BTRC: variants seen among roughly 807,000 people sequenced by gnomAD.
The protein encoded by BTRC is beta-transducin repeat containing E3 ubiquitin protein ligase.
A neutral mutation model predicts 85.5 loss-of-function variants in BTRC; 42 were observed. The observed-to-expected ratio is 0.49, with a 90% confidence interval of 0.38 to 0.64. The LOEUF (loss-of-function observed/expected upper bound fraction) is 0.64. Among genes scored for constraint, BTRC ranks in the 30% least tolerant of loss-of-function variants. The probability of loss-of-function intolerance (pLI) is 0.00; values close to 1 mark genes in which losing one functional copy is unlikely to be tolerated. For synonymous variants in BTRC, 255 were observed against 263.3 expected (o/e 0.97, Z 0.30); for missense variants, 594 against 743.5 (o/e 0.80, Z 2.34).
In BTRC at chr10:101,555,433, T is replaced by C. The variant is rs2062712749; in HGVS notation, c.*2310T>C. 4 of 152,654 alleles carry C rather than the reference T, an allele frequency of 2.6e-5. No individual in the cohort carries two copies. In the South Asian group the frequency reaches 8.3e-4, roughly 32 times the overall value. 9.5% of individuals were successfully genotyped at this position (152,654 alleles called of 1,614,324 possible). ...AGGAGATCGGGGCGACCCCTGCAGATGTGGAGCCATTAGCCCAGTTGAGGA... is the reference window on the plus strand; with the variant it reads ...AGGAGATCGGGGCGACCCCTGCAGACGTGGAGCCATTAGCCCAGTTGAGGA... On this transcript the variant is annotated 3_prime_UTR_variant, in exon 15 of 15. Coordinates refer to ENST00000370187, the MANE Select transcript of BTRC (RefSeq NM_033637.4).
intron 4 of BTRC, among the ~76,000 whole-genome samples, chr10:101,482,262 C>A (rs557241672): frequency 5.3e-5 from 8 of 152,080 alleles, no homozygotes; most frequent in Non-Finnish European, 1.2e-4. Context: ...CTCAGGTGAT[C>A]TCTCTGCCTC....
At chr10:101,527,280 CTCTT>C (rs2062206410) in intron 6 of BTRC, among the ~76,000 whole-genome samples, 1 of 152,100 alleles carries the variant, frequency 6.6e-6, no homozygotes, top group Admixed American at 6.5e-5. Flanking sequence ...GTAGTTGGCT[CTCTT>C]TCTTTTTTTC....
chr10:101,490,764 A>C (rs1946109105), intron 4 of BTRC, among the ~76,000 whole-genome samples: 1 of 152,208 alleles, frequency 6.6e-6, no homozygotes. Context: ...CAGAAAACTT[A>C]CTATCTCTTT....
At chr10:101,442,262 A>ATCTCTCTCTC (rs10531761) in intron 2 of BTRC, among the ~76,000 whole-genome samples, 1,530 of 129,356 alleles carry the variant, frequency 0.012, 20 homozygotes, top group South Asian at 0.027. Context: ...TTGAATTAGA[A>ATCTCTCTCTC]TCTCTCTCTC....
intron 13 of BTRC, among the ~76,000 whole-genome samples, chr10:101,547,175 T>C (rs1589628425): frequency 1.3e-5 from 2 of 152,250 alleles, no homozygotes; most frequent in East Asian, 1.9e-4. Flanking sequence ...ATGTAACCCA[T>C]TGTAATTTGA....
chr10:101,387,097 G>A (rs1246507786), intron 1 of BTRC, among the ~76,000 whole-genome samples: 1 of 151,896 alleles, frequency 6.6e-6, no homozygotes, highest in Non-Finnish European at 1.5e-5. Context: ...GCATTGATCA[G>A]TTTTTGGACT....
chr10:101,467,423 C>G (rs1295716888), intron 3 of BTRC, among the ~76,000 whole-genome samples: 1 of 145,428 alleles, frequency 6.9e-6, no homozygotes, highest in African/African-American at 2.6e-5. Flanking sequence ...GAGCTTTGTT[C>G]TGATAATTGC....
chr10:101,413,074 T>C (rs1275171674), intron 1 of BTRC, among the ~76,000 whole-genome samples: 3 of 152,212 alleles, frequency 2.0e-5, no homozygotes, highest in Admixed American at 6.6e-5. Context: ...GAGGAACTTA[T>C]TGAAGGTGAA....
At chr10:101,515,434 C>A (rs2062010468) in intron 4 of BTRC, among the ~76,000 whole-genome samples, 1 of 152,000 alleles carries the variant, frequency 6.6e-6, no homozygotes, top group South Asian at 2.1e-4. Context: ...GTGTATCTCT[C>A]CATTTATTTA....
At position 101,552,055 on chromosome 10, in the gene BTRC, C is replaced by T. The variant is rs535065033; in HGVS notation, c.*32-1100C>T. On this transcript the variant is annotated intron_variant, in intron 14 of 14. Coordinates refer to ENST00000370187, the MANE Select transcript of BTRC (RefSeq NM_033637.4). ...CAAAATTTTCTCTTCCTTAGACTTCCGTGTTACTTTGCCATTTTTAATATT... is the reference window on the plus strand; with the variant it reads ...CAAAATTTTCTCTTCCTTAGACTTCTGTGTTACTTTGCCATTTTTAATATT... Among the ~76,000 whole-genome samples, 10 of 152,106 alleles carry T rather than the reference C, an allele frequency of 6.6e-5. No homozygotes were observed. The East Asian group carries it at 9.6e-4, about 15-fold the overall frequency.
intron 1 of BTRC, among the ~76,000 whole-genome samples, chr10:101,401,922 C>G (rs1055905472): frequency 9.3e-5 from 14 of 150,906 alleles, no homozygotes; most frequent in African/African-American, 3.4e-4. Flanking sequence ...AAAAGAAAAA[C>G]AGAATGTTGA....
intron 2 of BTRC, among the ~76,000 whole-genome samples, chr10:101,442,276 CTCTCTCTG>C (rs1038606758): frequency 7.6e-6 from 1 of 132,406 alleles, no homozygotes; most frequent in Admixed American, 7.6e-5. Flanking sequence ...CTCTCTCTCT[CTCTCTCTG>C]TCTCTGTGTG....
intron 1 of BTRC, among the ~76,000 whole-genome samples, chr10:101,386,944 T>C (rs907510924): frequency 6.6e-6 from 1 of 152,212 alleles, no homozygotes; most frequent in African/African-American, 2.4e-5. Context: ...CTAGAATTGA[T>C]TTTTGGGTTT....
chr10:101,401,086 A>G (rs1352622783), intron 1 of BTRC, among the ~76,000 whole-genome samples: 3 of 152,228 alleles, frequency 2.0e-5, no homozygotes, highest in South Asian at 2.1e-4. Context: ...CTATGGCAAT[A>G]AAAGAATTTG....
intron 4 of BTRC, among the ~76,000 whole-genome samples, chr10:101,509,279 G>T: frequency 9.9e-6 from 1 of 101,102 alleles, no homozygotes; most frequent in Non-Finnish European, 1.8e-5. Flanking sequence ...TTTTGAGACA[G>T]AGTCTCGCTC....
At chr10:101,524,711 A>T (rs932989785) in intron 5 of BTRC, among the ~76,000 whole-genome samples, 1 of 152,192 alleles carries the variant, frequency 6.6e-6, no homozygotes, top group Non-Finnish European at 1.5e-5. Flanking sequence ...GTTTTAATAT[A>T]AATTGTACCA....
intron 1 of BTRC, among the ~76,000 whole-genome samples, chr10:101,392,627 A>C (rs1201716238): frequency 1.3e-5 from 2 of 151,802 alleles, no homozygotes; most frequent in Non-Finnish European, 2.9e-5. Flanking sequence ...AGCCTCCCAA[A>C]TAGTTGGGAT....
At chr10:101,407,193 A>G (rs912730692) in intron 1 of BTRC, among the ~76,000 whole-genome samples, 5 of 152,196 alleles carry the variant, frequency 3.3e-5, no homozygotes, top group Admixed American at 1.3e-4. Flanking sequence ...ACTTGTCTGT[A>G]CCAAAAAAAT....
chr10:101,532,102 TTTAA>T (rs1396144628), intron 7 of BTRC, among the ~76,000 whole-genome samples, 189 bp from the exon 8 acceptor site: 1 of 152,226 alleles, frequency 6.6e-6, no homozygotes, highest in Non-Finnish European at 1.5e-5. Flanking sequence ...GGAAACAACC[TTTAA>T]TTACCTTGCA....
Sources: allele counts gnomAD v4.1 joint callset (sites outside exome capture counted in the v4.1 genomes callset), GRCh38; gene constraint gnomAD v4.1.1; transcripts MANE v1.5; gene names NCBI Gene and HGNC (gene_info 2026-07-23, HGNC 2026-07-21).